TUBG2: variants seen among roughly 807,000 people sequenced by gnomAD.
The protein encoded by TUBG2 is tubulin gamma 2.
In TUBG2, 39 loss-of-function variants were observed where a neutral mutation model predicts 55.1. That is an observed-to-expected ratio of 0.71 (90% CI 0.55 to 0.93). The LOEUF (loss-of-function observed/expected upper bound fraction) is 0.93. Among genes scored for constraint, TUBG2 ranks in the 40% least tolerant of loss-of-function variants. The pLI is 0.00. For synonymous variants in TUBG2, 223 were observed against 241.0 expected, an observed-to-expected ratio of 0.93 and a Z score of 0.69; for missense variants, 358 against 599.1, an observed-to-expected ratio of 0.60 and a Z score of 4.20.
In TUBG2 at chr17:42,666,467, C is replaced by T. The variant is rs770632693; in HGVS notation, c.1141C>T (p.His381Tyr). 7 of 1,614,136 alleles carry T rather than the reference C, an allele frequency of 4.3e-6. No individual in the cohort carries two copies. Among genetic ancestry groups the T allele is most frequent in the Admixed American group, 1.7e-5 (1 of 60,028 alleles). Residue 381 changes from histidine (H) to tyrosine (Y), a missense_variant, in exon 10 of 11, where the codon CAC (histidine) becomes TAC (tyrosine). Coordinates refer to ENST00000251412, the MANE Select transcript of TUBG2 (RefSeq NM_016437.3). ...GGTCAGCGGGCTCATGATGGCCAAC[C>T]ACACCAGCATCTCCTCGGTGAGTCT... ...HRVSGLMMAN[H>Y]TSISSLFESS...
chr17:42,659,815 C>G lies in TUBG2; in HGVS notation c.50-19C>G. ...GCCTTAAGGCTCCAGCAGACCCGGG[C>G]ATCTCCCCCCTCCCCCAGTTGGGTT... On this transcript the variant is annotated intron_variant, in intron 1 of 10. Transcript: ENST00000251412. 6.2e-7 allele frequency: 1 copy of G among 1,614,060 alleles called. No homozygotes were observed. The highest frequency in any genetic ancestry group is 8.5e-7 in the Non-Finnish European group (1 of 1,179,924).
chr17:42,662,102 C>T (rs933485677), intron 4 of TUBG2, among the ~76,000 whole-genome samples: 5 of 152,192 alleles, frequency 3.3e-5, no homozygotes, highest in African/African-American at 1.2e-4. Context: ...CCCAGGAGTT[C>T]AAAACCAGCC....
Position 42,664,117 on chromosome 17 carries a change from T to TA in TUBG2, c.606+623dup, listed in dbSNP as rs1024911657. On this transcript the variant is annotated intron_variant, in intron 6 of 10. Transcript: ENST00000251412. ...CGAGACTCTGCCTCAAAAAATAACA[T>TA]AAAAAAAAATTAGCCGGGCATGGTG... is the stretch of plus-strand genomic sequence containing the variant. Among the ~76,000 whole-genome samples the TA allele has an allele frequency of 3.4e-5, 5 of 145,732 alleles. No homozygotes were observed. In the East Asian group the frequency reaches 6.1e-4, roughly 18 times the overall value.
intron 4 of TUBG2, 93 bp from the exon 5 acceptor site, chr17:42,662,878 ATG>A: frequency 2.5e-6 from 3 of 1,209,600 alleles, no homozygotes; most frequent in Non-Finnish European, 3.6e-6. Flanking sequence ...TGCTTACCTG[ATG>A]TGTGTGGTAA....
Position 42,664,600 on chromosome 17 carries a change from A to T in TUBG2, c.607-876A>T, listed in dbSNP as rs113856742. 4.1e-3 allele frequency among the ~76,000 whole-genome samples: 630 copies of T among 152,088 alleles called. 4 individuals are homozygous for T. The highest frequency in any genetic ancestry group is 0.015 in the African/African-American group (608 of 41,494). ...TTCCTGACTACTCAGTCAAGATCAG[A>T]TTCCTATATGTGTATTTTAGGGAGT... On this transcript the variant is annotated intron_variant, in intron 6 of 10. Coordinates refer to ENST00000251412, the MANE Select transcript of TUBG2 (RefSeq NM_016437.3).
At position 42,659,378 on chromosome 17, in the gene TUBG2, C is replaced by T. The variant is rs1788332687; in HGVS notation, c.-126C>T. On this transcript the variant is annotated 5_prime_UTR_variant, in exon 1 of 11. An upstream open reading frame in the 5' UTR gains an earlier in-frame stop. Coordinates refer to ENST00000251412, the MANE Select transcript of TUBG2 (RefSeq NM_016437.3). The stretch of plus-strand genomic sequence containing the variant: ...AGGCCTGCGCTGCACACGCGCAGAC[C>T]GAGCATCCGCGTCAAGAGGCGAAGA... 1 of 1,020,270 alleles carries T rather than the reference C, an allele frequency of 9.8e-7. No individual in the cohort carries two copies. Among genetic ancestry groups the T allele is most frequent in the Non-Finnish European group, 1.4e-6 (1 of 719,464 alleles). The allele number at this position is 1,020,270 out of a possible 1,614,324, so 63.2% of individuals were successfully genotyped here. A position where few individuals can be genotyped will look rare whatever the true frequency, so the allele number is the denominator to read the frequency against.
intron 10 of TUBG2, 23 bp downstream of exon 10, chr17:42,666,507 C>T: frequency 6.2e-7 from 1 of 1,613,862 alleles, no homozygotes; most frequent in Middle Eastern, 1.6e-4. Flanking sequence ...TTCTATTCTT[C>T]TTAGAAGAGT....
intron 4 of TUBG2, among the ~76,000 whole-genome samples, chr17:42,661,678 T>G (rs772411382): frequency 6.6e-6 from 1 of 152,258 alleles, no homozygotes; most frequent in Non-Finnish European, 1.5e-5. Flanking sequence ...CGCCGGACCC[T>G]TCTAGAGCTT....
intron 6 of TUBG2, among the ~76,000 whole-genome samples, chr17:42,664,822 C>A (rs1164909997): frequency 8.2e-6 from 1 of 122,500 alleles, no homozygotes; most frequent in Non-Finnish European, 1.7e-5. Flanking sequence ...AGAAACAGTA[C>A]TTTTCTTTCT....
At position 42,666,358 on chromosome 17, in the gene TUBG2, G is replaced by A. The variant is rs746150476; in HGVS notation, c.1032G>A (p.Lys344=). ...HKSLQRIRER[K]LANFIPWGPA... ...GCCTGCAGAGGATCCGGGAACGGAAGTTGGCCAACTTCATCCCGTGGGGCC... is the reference window on the plus strand; with the variant it reads ...GCCTGCAGAGGATCCGGGAACGGAAATTGGCCAACTTCATCCCGTGGGGCC... The change falls in exon 10 of 11, where the codon AAG becomes AAA. Residue 344 remains lysine (K), a synonymous_variant. Transcript: ENST00000251412. 1 of 1,614,246 alleles carries A rather than the reference G, an allele frequency of 6.2e-7. No homozygotes were observed. Among genetic ancestry groups the A allele is most frequent in the Non-Finnish European group, 8.5e-7 (1 of 1,180,036 alleles).
intron 1 of TUBG2, 51 bp downstream of exon 1, chr17:42,659,603 T>G (rs1306321808): frequency 6.6e-7 from 1 of 1,522,340 alleles, no homozygotes; most frequent in Non-Finnish European, 8.8e-7. Flanking sequence ...CCCCTTCGGG[T>G]CCCACCCAAG....
At chr17:42,663,348 C>G (rs775777859) in intron 5 of TUBG2, 29 bp from the exon 6 acceptor site, 6 of 1,613,346 alleles carry the variant, frequency 3.7e-6, no homozygotes, top group Non-Finnish European at 5.1e-6. Flanking sequence ...CCTTCCGGTT[C>G]ACTATGCCAC....
intron 6 of TUBG2, among the ~76,000 whole-genome samples, chr17:42,663,720 G>A (rs1340658472): frequency 1.3e-5 from 2 of 152,094 alleles, no homozygotes; most frequent in Non-Finnish European, 2.9e-5. Flanking sequence ...GAGACGGGCG[G>A]ATCACCTATG....
intron 4 of TUBG2, 34 bp from the exon 5 acceptor site, chr17:42,662,939 G>C (rs774166698): frequency 1.5e-4 from 242 of 1,602,244 alleles, no homozygotes; most frequent in Non-Finnish European, 2.0e-4. Flanking sequence ...TGTGGCAGGA[G>C]AAACTGAGTC....
At chr17:42,660,962 C>T in intron 4 of TUBG2, 2 of 431,614 alleles carry the variant, frequency 4.6e-6, no homozygotes, top group Non-Finnish European at 8.6e-6. Context: ...CCCAAGGAGC[C>T]TCAGCCTGGA....
chr17:42,665,563 G>T lies in TUBG2; in HGVS notation c.693+1G>T. 1 of 1,614,098 alleles carries T rather than the reference G, an allele frequency of 6.2e-7. No individual in the cohort carries two copies. Among genetic ancestry groups the T allele is most frequent in the Non-Finnish European group, 8.5e-7 (1 of 1,180,024 alleles). ...GTCCTTCTCCCAGATCAACCAGCTG[G>T]TGGGCCCCCACTCCCGGACTCCTTT... On this transcript the variant is annotated splice_donor_variant, in intron 7 of 10. Coordinates refer to ENST00000251412, the MANE Select transcript of TUBG2 (RefSeq NM_016437.3). LOFTEE classifies it high-confidence loss of function.
In TUBG2 at chr17:42,665,572, C is replaced by T. The variant is rs1450619689; in HGVS notation, c.693+10C>T. 1 of 1,614,178 alleles carries T rather than the reference C, an allele frequency of 6.2e-7. No homozygotes were observed. Among genetic ancestry groups the T allele is most frequent in the Admixed American group, 1.7e-5 (1 of 60,030 alleles). ...CCAGATCAACCAGCTGGTGGGCCCC[C>T]ACTCCCGGACTCCTTTGGACTGGAA... On this transcript the variant is annotated intron_variant, in intron 7 of 10. Coordinates refer to ENST00000251412, the MANE Select transcript of TUBG2 (RefSeq NM_016437.3).
Position 42,660,736 on chromosome 17 carries a change from G to A in TUBG2, c.399+29G>A, listed in dbSNP as rs2052363503. 4 of 1,608,786 alleles carry A rather than the reference G, an allele frequency of 2.5e-6. No individual in the cohort carries two copies. The Admixed American group carries it at 6.7e-5, about 27-fold the overall frequency. ...AAGTTATGGAGTGGGGGAAGGAATG[G>A]GCAGGGAGGCCGAAGAGTGCTGGGG... On this transcript the variant is annotated intron_variant, in intron 4 of 10. Coordinates refer to ENST00000251412, the MANE Select transcript of TUBG2 (RefSeq NM_016437.3).
chr17:42,659,730 G>T (rs990139551), intron 1 of TUBG2, 104 bp from the exon 2 acceptor site: 7 of 1,467,550 alleles, frequency 4.8e-6, no homozygotes, highest in Non-Finnish European at 6.5e-6. Flanking sequence ...ACCAAACCCA[G>T]GCATCTTGGG....
Sources: allele counts gnomAD v4.1 joint callset (sites outside exome capture counted in the v4.1 genomes callset), GRCh38; gene constraint gnomAD v4.1.1; transcripts MANE v1.5; gene names NCBI Gene and HGNC (gene_info 2026-07-23, HGNC 2026-07-21).